CCDC148: variants seen among roughly 807,000 people sequenced by gnomAD.
The protein encoded by CCDC148 is coiled-coil domain-containing protein 148.
A neutral mutation model predicts 85.7 loss-of-function variants in CCDC148; 89 were observed. The observed-to-expected ratio is 1.04, with a 90% CI of 0.87 to 1.24. The LOEUF is 1.24. Among genes scored for constraint, CCDC148 ranks in the 50% most tolerant of loss-of-function variants. The probability of loss-of-function intolerance (pLI) is 0.00; values close to 1 mark genes in which losing one functional copy is unlikely to be tolerated. For missense variants in CCDC148, 692 were observed against 671.7 expected (o/e 1.03, Z -0.33); for synonymous variants, 230 against 213.9 (o/e 1.08, Z -0.66).
intron 9 of CCDC148, among the ~76,000 whole-genome samples, chr2:158,294,821 CA>C (rs1409801880): frequency 3.4e-5 from 1 of 29,062 alleles, no homozygotes; most frequent in Non-Finnish European, 6.9e-5. Context: ...AAGACTCTGT[CA>C]AAAAAAAAAA....
intron 1 of CCDC148, among the ~76,000 whole-genome samples, chr2:158,385,311 C>G (rs567414635): frequency 2.0e-5 from 3 of 152,138 alleles, no homozygotes; most frequent in Non-Finnish European, 4.4e-5. Flanking sequence ...AGAGATAGCT[C>G]AACAAGTTCA....
chr2:158,219,824 C>T (rs1558992214), intron 11 of CCDC148, among the ~76,000 whole-genome samples: 2 of 152,162 alleles, frequency 1.3e-5, no homozygotes, highest in Admixed American at 6.5e-5. Flanking sequence ...GAATCCCAAC[C>T]GTGGAGAGGG....
Position 158,357,201 on chromosome 2 carries a change from C to T in CCDC148, c.147+1248G>A, listed in dbSNP as rs1574685169. Among the ~76,000 whole-genome samples the T allele has an allele frequency of 8.1e-5, 12 of 147,490 alleles. No individual in the cohort carries two copies. The South Asian group carries it at 2.6e-3, about 32-fold the overall frequency. On this transcript the variant is annotated intron_variant, in intron 2 of 13. Coordinates refer to ENST00000283233, the MANE Select transcript of CCDC148 (RefSeq NM_138803.4). ...ATATGTAACTAACCTGCACTATGTG[C>T]ACATGTACCCTAAAACTTAAAGTAT... is the stretch of plus-strand genomic sequence containing the variant.
At chr2:158,288,972 C>T in intron 9 of CCDC148, 1 of 245,402 alleles carries the variant, frequency 4.1e-6, no homozygotes, top group South Asian at 4.3e-5. Context: ...AAAGCGGAAA[C>T]CCCTGATAAA....
chr2:158,255,992 A>G (rs1239724390), intron 9 of CCDC148, among the ~76,000 whole-genome samples: 1 of 151,796 alleles, frequency 6.6e-6, no homozygotes, highest in African/African-American at 2.4e-5. Flanking sequence ...GGTTAGTAGC[A>G]TTACATGTAC....
chr2:158,332,199 G>A lies in CCDC148; in HGVS notation c.764+6527C>T, dbSNP rs906178775. Among the ~76,000 whole-genome samples, 10 of 152,034 alleles carry A rather than the reference G, an allele frequency of 6.6e-5. 1 individual carries two copies. Among genetic ancestry groups the A allele is most frequent in the East Asian group, 5.8e-4 (3 of 5,154 alleles). On this transcript the variant is annotated intron_variant, in intron 7 of 13. Transcript: ENST00000283233. ...CTTCAGGAGCTCTTTTAGGGCAGGC[G>A]TGGTGGTGACAAAATCTCTCAGCAT...
chr2:158,238,452 C>T (rs1442146578), intron 10 of CCDC148, among the ~76,000 whole-genome samples: 1 of 152,112 alleles, frequency 6.6e-6, no homozygotes, highest in East Asian at 1.9e-4. Context: ...AAAGAAATCA[C>T]ACCAAAATCA....
chr2:158,406,946 T>G (rs1686053719), intron 1 of CCDC148, among the ~76,000 whole-genome samples: 1 of 152,066 alleles, frequency 6.6e-6, no homozygotes, highest in Admixed American at 6.6e-5. Context: ...TTCCACAAGA[T>G]AATTAATTAG....
At chr2:158,297,205 G>GT (rs969999565) in intron 9 of CCDC148, among the ~76,000 whole-genome samples, 7 of 152,122 alleles carry the variant, frequency 4.6e-5, no homozygotes, top group African/African-American at 1.7e-4. Context: ...CAATTATGTT[G>GT]TTTTTTCTTG....
chr2:158,340,964 C>CTCA (rs1005436617), intron 3 of CCDC148, among the ~76,000 whole-genome samples: 26 of 152,042 alleles, frequency 1.7e-4, no homozygotes, highest in African/African-American at 6.3e-4. Flanking sequence ...GTAGGCTGAC[C>CTCA]TCACTTCCTC....
At chr2:158,394,931 T>G (rs1685461796) in intron 1 of CCDC148, among the ~76,000 whole-genome samples, 1 of 152,104 alleles carries the variant, frequency 6.6e-6, no homozygotes, top group African/African-American at 2.4e-5. Context: ...ACATTGAAAG[T>G]CCATAATCCT....
chr2:158,426,405 T>C (rs1687080383), intron 1 of CCDC148, among the ~76,000 whole-genome samples: 1 of 152,086 alleles, frequency 6.6e-6, no homozygotes, highest in South Asian at 2.1e-4. Flanking sequence ...ATGTAGTTAG[T>C]GAATAAACTT....
intron 7 of CCDC148, among the ~76,000 whole-genome samples, chr2:158,330,675 T>G (rs929731311): frequency 6.6e-6 from 1 of 152,074 alleles, no homozygotes; most frequent in African/African-American, 2.4e-5. Flanking sequence ...TAATTATTGC[T>G]TCAATTTCAG....
At chr2:158,251,044 A>C in intron 9 of CCDC148, 132 bp from the exon 10 acceptor site, 1 of 754,462 alleles carries the variant, frequency 1.3e-6, no homozygotes, top group Non-Finnish European at 2.0e-6. Context: ...TTCTATGTGC[A>C]CATGACTGTG....
intron 2 of CCDC148, among the ~76,000 whole-genome samples, chr2:158,358,077 TG>T (rs1683752419): frequency 6.6e-6 from 1 of 152,194 alleles, no homozygotes; most frequent in African/African-American, 2.4e-5. Flanking sequence ...AGGACATATT[TG>T]TATAGTGTTG....
At chr2:158,439,973 T>A (rs1687861246) in intron 1 of CCDC148, among the ~76,000 whole-genome samples, 1 of 152,094 alleles carries the variant, frequency 6.6e-6, no homozygotes, top group South Asian at 2.1e-4. Context: ...CATCTTCCTA[T>A]CTTACCTCCT....
intron 1 of CCDC148, among the ~76,000 whole-genome samples, chr2:158,377,265 G>A (rs74704743): frequency 6.6e-6 from 1 of 151,398 alleles, no homozygotes; most frequent in African/African-American, 2.4e-5. Context: ...GGAGGGGTAG[G>A]GTGTGTCGAT....
intron 1 of CCDC148, among the ~76,000 whole-genome samples, chr2:158,451,634 T>C (rs1036777979): frequency 6.6e-6 from 1 of 152,136 alleles, no homozygotes; most frequent in Non-Finnish European, 1.5e-5. Context: ...TCTCTTATCT[T>C]CAACTTGAAA....
chr2:158,220,505 A>G, intron 11 of CCDC148, 90 bp downstream of exon 11: 1 of 828,346 alleles, frequency 1.2e-6, no homozygotes, highest in Non-Finnish European at 2.0e-6. Flanking sequence ...AGTATAGAAA[A>G]AAGTTCCCTC....
Sources: gnomAD v4.1 joint callset for allele counts (sites outside exome capture counted in the v4.1 genomes callset) on GRCh38, gnomAD v4.1.1 for gene constraint, MANE v1.5 for transcripts, NCBI Gene and HGNC (gene_info 2026-07-23, HGNC 2026-07-21) for gene names.